Variants in GALNTL6 observed in about 807,000 individuals in gnomAD.
GALNTL6 encodes polypeptide N-acetylgalactosaminyltransferase-like 6.
Under a neutral mutation model 73.7 loss-of-function variants are expected in GALNTL6, and 46 were observed. That is an observed-to-expected ratio of 0.62 (90% CI 0.49 to 0.80). The LOEUF (loss-of-function observed/expected upper bound fraction) is 0.80. Ranked by LOEUF, GALNTL6 falls within the 30% of genes least tolerant of loss-of-function variation. The pLI is 0.00. For missense variants in GALNTL6, 604 were observed against 755.0 expected (o/e 0.80, Z 2.34); for synonymous variants, 259 against 263.7 (o/e 0.98, Z 0.17).
In GALNTL6 at chr4:172,232,625, C is replaced by A. The variant is rs114947878; in HGVS notation, c.247+2861C>A. The stretch of plus-strand genomic sequence containing the variant: ...ATGACAAGCTGCCAAAATTGATACA[C>A]CAATTTCATTTCAATCAATAATGGA... On this transcript the variant is annotated intron_variant, in intron 3 of 12. Transcript: ENST00000506823. Among the ~76,000 whole-genome samples, 1,455 of 152,078 alleles carry A rather than the reference C, an allele frequency of 9.6e-3. 16 individuals are homozygous for A. Among genetic ancestry groups the A allele is most frequent in the Non-Finnish European group, 0.015 (1,043 of 67,962 alleles).
rs1400881761 is a variant in GALNTL6, at chr4:171,814,637, A to G, written c.57A>G (p.Leu19=). Residue 19 remains leucine (L), a synonymous_variant, in exon 2 of 13, where the codon TTA becomes TTG. Transcript: ENST00000506823. ...LQMTLLFTVA[L]IFLPNVGLWS... ...TGACTTTGTTGTTCACGGTGGCTTT[A>G]ATTTTCCTGCCTAACGTTGGTCTCT... The G allele has an allele frequency of 5.6e-5, 90 of 1,613,946 alleles. No homozygotes were observed. The highest frequency in any genetic ancestry group is 7.5e-5 in the Non-Finnish European group (88 of 1,180,000).
intron 5 of GALNTL6, among the ~76,000 whole-genome samples, chr4:172,790,896 C>CAAAAAAA (rs770813700): frequency 2.8e-5 from 2 of 71,422 alleles, no homozygotes; most frequent in Non-Finnish European, 2.7e-5. Context: ...GAGACTCCAT[C>CAAAAAAA]AAAAAAAAAA....
chr4:172,127,362 C>A (rs1225067952), intron 2 of GALNTL6, among the ~76,000 whole-genome samples: 6 of 152,230 alleles, frequency 3.9e-5, no homozygotes, highest in Admixed American at 3.3e-4. Context: ...TGGGCCCATC[C>A]AGCCTGCCAC....
intron 7 of GALNTL6, among the ~76,000 whole-genome samples, chr4:172,878,678 A>G (rs551547613): frequency 1.3e-5 from 2 of 151,956 alleles, no homozygotes; most frequent in African/African-American, 4.8e-5. Context: ...AATTATGAAA[A>G]ATATTCGGTT....
chr4:172,034,829 A>G (rs1741886740), intron 2 of GALNTL6, among the ~76,000 whole-genome samples: 1 of 152,146 alleles, frequency 6.6e-6, no homozygotes, highest in Non-Finnish European at 1.5e-5. Flanking sequence ...GTGCATCAAC[A>G]GTCAAGAACA....
intron 4 of GALNTL6, among the ~76,000 whole-genome samples, chr4:172,323,078 A>C (rs1229292391): frequency 6.6e-6 from 1 of 152,194 alleles, no homozygotes; most frequent in African/African-American, 2.4e-5. Flanking sequence ...GCAGGAACAC[A>C]ACAAATTATT....
intron 3 of GALNTL6, among the ~76,000 whole-genome samples, chr4:172,306,028 C>T (rs1041704606): frequency 3.3e-5 from 5 of 152,048 alleles, no homozygotes; most frequent in African/African-American, 1.2e-4. Context: ...AATATGCGTA[C>T]AAACATTTTT....
chr4:172,297,094 A>G (rs1739708884), intron 3 of GALNTL6, among the ~76,000 whole-genome samples: 1 of 152,002 alleles, frequency 6.6e-6, no homozygotes, highest in Non-Finnish European at 1.5e-5. Context: ...TTTGATTTGC[A>G]TTTCTCTGAT....
Position 172,069,177 on chromosome 4 carries a change from T to C in GALNTL6, c.139-160479T>C, listed in dbSNP as rs150170150. Among the ~76,000 whole-genome samples the C allele has an allele frequency of 1.1e-3, 115 of 108,980 alleles. 32 individuals are homozygous for C. Among genetic ancestry groups the C allele is most frequent in the Non-Finnish European group, 4.1e-5 (2 of 49,308 alleles). The allele number at this position is 108,980 out of a possible 152,430, so 71.5% of individuals were successfully genotyped here. A position where few individuals can be genotyped will look rare whatever the true frequency, so the allele number is the denominator to read the frequency against. On this transcript the variant is annotated intron_variant, in intron 2 of 12. Transcript: ENST00000506823. The stretch of plus-strand genomic sequence containing the variant: ...AATGTTATTGCTAGATAAACTTTTA[T>C]CCTGAATATGCAATTTTTTCCTATG...
chr4:172,219,130 C>A (rs1736589173), intron 2 of GALNTL6, among the ~76,000 whole-genome samples: 2 of 141,088 alleles, frequency 1.4e-5, no homozygotes, highest in African/African-American at 2.7e-5. Flanking sequence ...AAAAAAAAGC[C>A]AAATTAAAAT....
chr4:172,940,060 A>G (rs1748836586), intron 9 of GALNTL6, among the ~76,000 whole-genome samples: 1 of 152,224 alleles, frequency 6.6e-6, no homozygotes, highest in Non-Finnish European at 1.5e-5. Flanking sequence ...ACACTAAAAA[A>G]GAAAGTAAAA....
chr4:172,394,791 T>G (rs1017522005), intron 5 of GALNTL6, among the ~76,000 whole-genome samples: 1 of 152,114 alleles, frequency 6.6e-6, no homozygotes, highest in African/African-American at 2.4e-5. Context: ...TCTAGCATGC[T>G]GACACCCCTC....
In GALNTL6 at chr4:172,244,641, A is replaced by G. The variant is rs1005476613; in HGVS notation, c.247+14877A>G. On this transcript the variant is annotated intron_variant, in intron 3 of 12. Transcript: ENST00000506823. Reference sequence around the variant, plus strand: ...CATATAGAATATGAAGGATATTTATATCATCACATAACCCTGATTGCTGTG... The same window carrying G: ...CATATAGAATATGAAGGATATTTATGTCATCACATAACCCTGATTGCTGTG... Among the ~76,000 whole-genome samples, 20 of 152,174 alleles carry G rather than the reference A, an allele frequency of 1.3e-4. 1 individual carries two copies.
chr4:172,063,586 T>G (rs1273770452), intron 2 of GALNTL6, among the ~76,000 whole-genome samples: 2 of 152,204 alleles, frequency 1.3e-5, no homozygotes, highest in Non-Finnish European at 2.9e-5. Context: ...TTCTGCTTTT[T>G]TATTAAAGAC....
At chr4:172,928,650 A>G (rs1017273700) in intron 8 of GALNTL6, among the ~76,000 whole-genome samples, 7 of 152,170 alleles carry the variant, frequency 4.6e-5, no homozygotes, top group African/African-American at 1.7e-4. Flanking sequence ...CCTTACAGCT[A>G]TATGCAATTA....
chr4:172,192,026 T>C lies in GALNTL6; in HGVS notation c.139-37630T>C, dbSNP rs1202585933. 3.3e-5 allele frequency among the ~76,000 whole-genome samples: 5 copies of C among 152,150 alleles called. No homozygotes were observed. In the East Asian group the frequency reaches 9.7e-4, roughly 29 times the overall value. ...TTATTAATATAATTTTAAATGTTTG[T>C]TTATTATTTCTAAGTATAGAGCTGA... On this transcript the variant is annotated intron_variant, in intron 2 of 12. Transcript: ENST00000506823.
intron 2 of GALNTL6, among the ~76,000 whole-genome samples, chr4:171,968,645 C>G (rs1033724586): frequency 6.6e-6 from 1 of 152,186 alleles, no homozygotes; most frequent in African/African-American, 2.4e-5. Context: ...CGACCCACCA[C>G]AGCACTCATT....
intron 2 of GALNTL6, among the ~76,000 whole-genome samples, chr4:171,837,957 G>C (rs1245886962): frequency 6.6e-6 from 1 of 151,142 alleles, no homozygotes; most frequent in Non-Finnish European, 1.5e-5. Context: ...ATATATTCTT[G>C]GCTAGTAGGA....
intron 2 of GALNTL6, among the ~76,000 whole-genome samples, chr4:171,818,781 G>A (rs1432550127): frequency 6.6e-6 from 1 of 151,724 alleles, no homozygotes; most frequent in Non-Finnish European, 1.5e-5. Context: ...AACTGTGCTT[G>A]ACAGATATGT....
Sources: allele counts gnomAD v4.1 joint callset (sites outside exome capture counted in the v4.1 genomes callset), GRCh38; gene constraint gnomAD v4.1.1; transcripts MANE v1.5; gene names NCBI Gene and HGNC (gene_info 2026-07-23, HGNC 2026-07-21).